The following KCNH5 variants were observed in gnomAD, a reference collection of about 807,000 sequenced individuals.
KCNH5 encodes the protein potassium voltage-gated channel subfamily H member 5.
Under a neutral mutation model 96.1 loss-of-function variants are expected in KCNH5, and 46 were observed. The observed-to-expected ratio is 0.48, with a 90% CI of 0.38 to 0.61. The LOEUF (loss-of-function observed/expected upper bound fraction) is 0.61. Ranked by LOEUF, KCNH5 falls within the 20% of genes least tolerant of loss-of-function variation. The pLI is 0.00. For synonymous variants in KCNH5, 439 were observed against 449.8 expected (o/e 0.98, Z 0.30); for missense variants, 907 against 1,225.8 (o/e 0.74, Z 3.88).
intron 7 of KCNH5, among the ~76,000 whole-genome samples, chr14:62,888,162 T>C (rs906272394): frequency 6.6e-6 from 1 of 152,328 alleles, no homozygotes; most frequent in African/African-American, 2.4e-5. Context: ...TGCTTTGTCT[T>C]ACCAAGAATA....
chr14:63,013,831 T>TC (rs1206885642), intron 2 of KCNH5, among the ~76,000 whole-genome samples: 1 of 152,114 alleles, frequency 6.6e-6, no homozygotes, highest in Non-Finnish European at 1.5e-5. Context: ...TAGCTAAACT[T>TC]CTACTACTGG....
At chr14:62,865,881 T>C (rs903014820) in intron 7 of KCNH5, among the ~76,000 whole-genome samples, 1 of 152,200 alleles carries the variant, frequency 6.6e-6, no homozygotes, top group African/African-American at 2.4e-5. Flanking sequence ...TATGATGGGG[T>C]ACTTCACTGA....
chr14:62,995,179 G>C (rs1328396189), intron 4 of KCNH5, among the ~76,000 whole-genome samples: 1 of 152,050 alleles, frequency 6.6e-6, no homozygotes, highest in Non-Finnish European at 1.5e-5. Context: ...ATCGATACAA[G>C]TAGGAGATTA....
intron 7 of KCNH5, among the ~76,000 whole-genome samples, chr14:62,860,377 C>A (rs551992235): frequency 4.6e-4 from 70 of 152,306 alleles, no homozygotes; most frequent in African/African-American, 1.6e-3. Context: ...TCTAATCCAG[C>A]AAAACTCATT....
Position 62,699,524 on chromosome 14 carries a change from T to C in KCNH5, c.*7984A>G, listed in dbSNP as rs952941708. On this transcript the variant is annotated 3_prime_UTR_variant, in exon 11 of 11. Coordinates refer to ENST00000322893, the MANE Select transcript of KCNH5 (RefSeq NM_139318.5). Reference sequence around the variant, plus strand: ...AAAATATCCACATTTAAATAAAGTGTGAAAAAAAGCAAAGTTAGTCCTCCC... The same window carrying C: ...AAAATATCCACATTTAAATAAAGTGCGAAAAAAAGCAAAGTTAGTCCTCCC... The C allele has an allele frequency of 6.6e-6, 1 of 152,164 alleles. No individual in the cohort carries two copies. The highest frequency in any genetic ancestry group is 1.5e-5 in the Non-Finnish European group (1 of 68,020). The allele number at this position is 152,164 out of a possible 1,614,324, so 9.4% of individuals were successfully genotyped here.
intron 8 of KCNH5, among the ~76,000 whole-genome samples, chr14:62,844,427 T>C (rs1887650144): frequency 1.3e-5 from 2 of 152,216 alleles, no homozygotes; most frequent in Non-Finnish European, 2.9e-5. Flanking sequence ...TTGAATTATT[T>C]CCCAGCAAAG....
Position 62,741,147 on chromosome 14 carries a change from A to G in KCNH5, c.2020-32692T>C, listed in dbSNP as rs138514899. On this transcript the variant is annotated intron_variant, in intron 10 of 10. Transcript: ENST00000322893. The stretch of plus-strand genomic sequence containing the variant: ...CTCATAATGGAGTTTTCCCAGAAAA[A>G]CAAACAAGCATACTGATAAATTAAG... Among the ~76,000 whole-genome samples the G allele has an allele frequency of 8.0e-4, 122 of 152,282 alleles. 1 individual carries two copies. The highest frequency in any genetic ancestry group is 3.5e-3 in the Admixed American group (54 of 15,272).
At chr14:62,994,163 C>T (rs1890864507) in intron 4 of KCNH5, among the ~76,000 whole-genome samples, 1 of 112,198 alleles carries the variant, frequency 8.9e-6, no homozygotes, top group South Asian at 2.3e-4. Context: ...AAAGAGACTA[C>T]ATTACATAGT....
chr14:62,822,949 C>G (rs908056040), intron 8 of KCNH5, among the ~76,000 whole-genome samples: 11 of 152,106 alleles, frequency 7.2e-5, no homozygotes, highest in Non-Finnish European at 1.3e-4. Context: ...CTTTCTATAA[C>G]AGCATTCCTT....
At chr14:62,946,149 G>A (rs772708440) in intron 7 of KCNH5, among the ~76,000 whole-genome samples, 1 of 152,056 alleles carries the variant, frequency 6.6e-6, no homozygotes, top group South Asian at 2.1e-4. Context: ...TCTATGGAAG[G>A]AGAGAGAAAT....
At chr14:62,898,419 G>C (rs1888858153) in intron 7 of KCNH5, among the ~76,000 whole-genome samples, 1 of 151,934 alleles carries the variant, frequency 6.6e-6, no homozygotes, top group Admixed American at 6.6e-5. Context: ...TAATAGACTT[G>C]GAGATTTTAA....
At chr14:63,008,727 C>A (rs1891171953) in intron 2 of KCNH5, among the ~76,000 whole-genome samples, 1 of 152,034 alleles carries the variant, frequency 6.6e-6, no homozygotes, top group Non-Finnish European at 1.5e-5. Context: ...AACCTCAAAG[C>A]ACACCTGCAA....
At chr14:62,779,607 C>T (rs1886166052) in intron 10 of KCNH5, 121 bp downstream of exon 10, 1 of 752,530 alleles carries the variant, frequency 1.3e-6, no homozygotes, top group Non-Finnish European at 2.0e-6. Flanking sequence ...AATTATGCCA[C>T]TTTACATTGA....
chr14:63,032,968 G>A (rs767388779), intron 1 of KCNH5, among the ~76,000 whole-genome samples: 14 of 152,064 alleles, frequency 9.2e-5, no homozygotes, highest in Non-Finnish European at 1.6e-4. Flanking sequence ...AACCTTGGGA[G>A]TCATCCTTCA....
chr14:62,941,127 A>C (rs17100551), intron 7 of KCNH5, among the ~76,000 whole-genome samples: 8,217 of 152,276 alleles, frequency 0.054, 748 homozygotes, highest in African/African-American at 0.19. Context: ...TGTATACCAG[A>C]ACACCTGGCA....
At chr14:62,736,765 C>A (rs1163427175) in intron 10 of KCNH5, among the ~76,000 whole-genome samples, 2 of 152,192 alleles carry the variant, frequency 1.3e-5, no homozygotes, top group African/African-American at 4.8e-5. Context: ...GGCCAGAAGT[C>A]CGTCTCAGGT....
chr14:62,954,345 T>C (rs1295650707), intron 6 of KCNH5, among the ~76,000 whole-genome samples: 1 of 152,196 alleles, frequency 6.6e-6, no homozygotes, highest in Non-Finnish European at 1.5e-5. Flanking sequence ...ATCTCTATTA[T>C]AACAATTTTC....
At chr14:62,876,212 G>A (rs1231286065) in intron 7 of KCNH5, among the ~76,000 whole-genome samples, 3 of 152,126 alleles carry the variant, frequency 2.0e-5, no homozygotes, top group African/African-American at 7.2e-5. Context: ...AGTATCTTCA[G>A]AGTCATAAAG....
At chr14:62,874,375 T>A (rs1888325744) in intron 7 of KCNH5, among the ~76,000 whole-genome samples, 1 of 152,092 alleles carries the variant, frequency 6.6e-6, no homozygotes, top group African/African-American at 2.4e-5. Context: ...AAGCTCAACA[T>A]CACTGATCAT....
Sources: allele counts gnomAD v4.1 joint callset (sites outside exome capture counted in the v4.1 genomes callset), GRCh38; gene constraint gnomAD v4.1.1; transcripts MANE v1.5; gene names NCBI Gene and HGNC (gene_info 2026-07-23, HGNC 2026-07-21).